The following MYOF variants were observed in gnomAD, a reference collection of about 807,000 sequenced individuals.
MYOF encodes fer-1-like 3, myoferlin.
In MYOF, 244 loss-of-function variants were observed where a neutral mutation model predicts 284.2. The ratio of observed to expected loss-of-function variants is 0.86; its 90% CI spans 0.77 to 0.95. The LOEUF is 0.95. MYOF is among the 40% of genes least tolerant of loss of function. The pLI, the probability that MYOF is intolerant of heterozygous loss-of-function variation, is 0.00. For missense variants in MYOF, 2,496 were observed against 2,560.6 expected (o/e 0.97, Z 0.54); for synonymous variants, 904 against 919.7 (o/e 0.98, Z 0.31).
At chr10:93,453,644 T>C (rs555887873) in intron 2 of MYOF, among the ~76,000 whole-genome samples, 7 of 152,144 alleles carry the variant, frequency 4.6e-5, no homozygotes, top group African/African-American at 1.4e-4. Context: ...TGGTGGCTCA[T>C]ACCTGTAACT....
intron 5 of MYOF, among the ~76,000 whole-genome samples, chr10:93,414,758 T>G (rs187401881): frequency 1.0e-3 from 156 of 152,164 alleles, no homozygotes; most frequent in African/African-American, 3.1e-3. Context: ...TTGTTTGTTT[T>G]TTTGAGGTGG....
chr10:93,428,323 C>T (rs1300395602), intron 4 of MYOF, among the ~76,000 whole-genome samples: 4 of 151,598 alleles, frequency 2.6e-5, no homozygotes, highest in Non-Finnish European at 5.9e-5. Flanking sequence ...GCTTCAGCCT[C>T]CTGGGTAGCT....
intron 37 of MYOF, among the ~76,000 whole-genome samples, chr10:93,345,116 A>G (rs1229019003): frequency 6.6e-6 from 1 of 152,218 alleles, no homozygotes; most frequent in Non-Finnish European, 1.5e-5. Flanking sequence ...CCAAGCCAAC[A>G]GAACTTTCTG....
chr10:93,428,791 G>A (rs17108672), intron 4 of MYOF, among the ~76,000 whole-genome samples: 19,886 of 152,094 alleles, frequency 0.13, 1,360 homozygotes, highest in Middle Eastern at 0.19. Context: ...CTGAACGCAG[G>A]GAGCACTGAA....
chr10:93,472,707 C>G (rs576452932), intron 1 of MYOF, among the ~76,000 whole-genome samples: 5 of 152,202 alleles, frequency 3.3e-5, no homozygotes, highest in Admixed American at 3.3e-4. Context: ...GTAAATCTTA[C>G]GTTATATGTG....
At chr10:93,406,353 C>T (rs1345120653) in intron 7 of MYOF, among the ~76,000 whole-genome samples, 2 of 116,670 alleles carry the variant, frequency 1.7e-5, no homozygotes, top group African/African-American at 2.7e-5. Flanking sequence ...TCTCCTATCC[C>T]GTAAAATTTT....
chr10:93,399,286 C>A (rs1165847006), intron 13 of MYOF, 106 bp downstream of exon 13: 2 of 825,088 alleles, frequency 2.4e-6, no homozygotes, highest in Non-Finnish European at 3.8e-6. Flanking sequence ...CCTGGCTCAT[C>A]AGGGGGCTAT....
chr10:93,306,854 AC>A lies in MYOF; in HGVS notation c.*108del, dbSNP rs1230090294. ...CAATGGGGCTCGGTGACATGGCGTAACCTGCTACTGGGGTGTGGTCTCAGAC... is the reference window on the plus strand; with the variant it reads ...CAATGGGGCTCGGTGACATGGCGTAACTGCTACTGGGGTGTGGTCTCAGAC... On this transcript the variant is annotated 3_prime_UTR_variant, in exon 54 of 54. Transcript: ENST00000359263. 5.9e-5 allele frequency: 69 copies of A among 1,169,576 alleles called. No homozygotes were observed. In the East Asian group the frequency reaches 1.7e-3, roughly 28 times the overall value. The allele number at this position is 1,169,576 out of a possible 1,614,324, so 72.4% of individuals were successfully genotyped here.
At chr10:93,340,337 G>T in intron 38 of MYOF, 173 bp from the exon 39 acceptor site, 1 of 638,818 alleles carries the variant, frequency 1.6e-6, no homozygotes, top group Non-Finnish European at 2.7e-6. Flanking sequence ...TTCTAAGTCA[G>T]GATGAGCCCA....
At chr10:93,390,055 C>G (rs1392208658) in intron 17 of MYOF, among the ~76,000 whole-genome samples, 1 of 152,208 alleles carries the variant, frequency 6.6e-6, no homozygotes, top group Non-Finnish European at 1.5e-5. Context: ...AATGTTGAGG[C>G]AAAGGCTTCA....
intron 24 of MYOF, among the ~76,000 whole-genome samples, chr10:93,371,104 A>T (rs1589455158): frequency 6.6e-6 from 1 of 152,220 alleles, no homozygotes; most frequent in Admixed American, 6.5e-5. Flanking sequence ...GTCATAACTC[A>T]GTGATCTACA....
intron 49 of MYOF, among the ~76,000 whole-genome samples, chr10:93,318,227 C>G (rs1299083646): frequency 1.3e-5 from 2 of 152,170 alleles, no homozygotes; most frequent in Non-Finnish European, 2.9e-5. Flanking sequence ...TCGAGACCAG[C>G]CTGGGCAACA....
chr10:93,473,557 T>C (rs1036867487), intron 1 of MYOF, among the ~76,000 whole-genome samples: 2 of 152,196 alleles, frequency 1.3e-5, no homozygotes, highest in Non-Finnish European at 2.9e-5. Context: ...ATGGCTGCCA[T>C]GTGCAGGGAG....
chr10:93,380,640 T>C (rs796289365), intron 20 of MYOF, among the ~76,000 whole-genome samples: 6 of 152,330 alleles, frequency 3.9e-5, no homozygotes, highest in African/African-American at 1.4e-4. Context: ...CTATTATGAT[T>C]TATTTTATAC....
At chr10:93,451,821 G>A (rs1456317530) in intron 3 of MYOF, among the ~76,000 whole-genome samples, 1 of 152,184 alleles carries the variant, frequency 6.6e-6, no homozygotes, top group East Asian at 1.9e-4. Context: ...AACTAGTCTA[G>A]GTGGCTCGGT....
At chr10:93,428,679 G>A (rs145918745) in intron 4 of MYOF, among the ~76,000 whole-genome samples, 3 of 152,050 alleles carry the variant, frequency 2.0e-5, no homozygotes, top group African/African-American at 7.2e-5. Context: ...CACATCGTGT[G>A]TCTTGGAACT....
chr10:93,467,182 A>ATTT (rs1318118140), intron 1 of MYOF, among the ~76,000 whole-genome samples: 1 of 151,702 alleles, frequency 6.6e-6, no homozygotes, highest in African/African-American at 2.4e-5. Context: ...TATTATTATT[A>ATTT]TACTTTAAGT....
At chr10:93,320,807 A>G (rs921989187) in intron 48 of MYOF, among the ~76,000 whole-genome samples, 20 of 152,172 alleles carry the variant, frequency 1.3e-4, no homozygotes, top group Admixed American at 4.6e-4. Flanking sequence ...GGTTTTCTCG[A>G]AACTGCACAT....
intron 22 of MYOF, among the ~76,000 whole-genome samples, chr10:93,375,414 G>A (rs1208409595): frequency 1.3e-5 from 2 of 152,210 alleles, no homozygotes; most frequent in South Asian, 2.1e-4. Flanking sequence ...GGTGGGTCTC[G>A]AAGGTCTGTG....
Sources: gnomAD v4.1 joint callset for allele counts (sites outside exome capture counted in the v4.1 genomes callset) on GRCh38, gnomAD v4.1.1 for gene constraint, MANE v1.5 for transcripts, NCBI Gene and HGNC (gene_info 2026-07-23, HGNC 2026-07-21) for gene names.